Variants in MYO1H observed in about 807,000 individuals in gnomAD.
MYO1H encodes the protein unconventional myosin-Ih.
A neutral mutation model predicts 149.3 loss-of-function variants in MYO1H; 118 were observed. The observed-to-expected ratio is 0.79, with a 90% CI of 0.68 to 0.92. The LOEUF is 0.92. Ranked by LOEUF, MYO1H falls within the 40% of genes least tolerant of loss-of-function variation. The pLI is 0.00. For missense variants in MYO1H, 1,212 were observed against 1,280.7 expected (o/e 0.95, Z 0.82); for synonymous variants, 447 against 465.2 (o/e 0.96, Z 0.50).
At chr12:109,422,806 G>C (rs1352694781) in intron 16 of MYO1H, among the ~76,000 whole-genome samples, 1 of 152,146 alleles carries the variant, frequency 6.6e-6, no homozygotes, top group Non-Finnish European at 1.5e-5. Flanking sequence ...AGGCACAGTG[G>C]CTCATGCCTG....
At chr12:109,437,480 G>C (rs1289015214) in intron 22 of MYO1H, among the ~76,000 whole-genome samples, 3 of 152,144 alleles carry the variant, frequency 2.0e-5, no homozygotes, top group Non-Finnish European at 4.4e-5. Context: ...TAGCAGCAGA[G>C]GTCAGCATTA....
At chr12:109,357,422 T>C (rs970012910) in intron 1 of MYO1H, among the ~76,000 whole-genome samples, 4 of 152,318 alleles carry the variant, frequency 2.6e-5, no homozygotes, top group African/African-American at 7.2e-5. Context: ...TTCAGAAATA[T>C]GGTTCCTAAG....
At chr12:109,435,247 G>A (rs1871811212) in intron 21 of MYO1H, 134 bp downstream of exon 21, 2 of 607,018 alleles carry the variant, frequency 3.3e-6, no homozygotes, top group Non-Finnish European at 5.7e-6. Flanking sequence ...CGAGATATGG[G>A]ATTATGATAA....
chr12:109,388,097 C>T lies in MYO1H; in HGVS notation c.13-586C>T, dbSNP rs531923097. Among the ~76,000 whole-genome samples the T allele has an allele frequency of 3.9e-5, 6 of 152,286 alleles. No homozygotes were observed. In the South Asian group the frequency reaches 1.2e-3, roughly 32 times the overall value. Reference sequence around the variant, plus strand: ...ATATTCCTCTGTAGCAAGAATTTCCCTTTCTGGCCCAAACTCCTCACCACC... The same window carrying T: ...ATATTCCTCTGTAGCAAGAATTTCCTTTTCTGGCCCAAACTCCTCACCACC... On this transcript the variant is annotated intron_variant, in intron 1 of 31. Transcript: ENST00000310903.
intron 25 of MYO1H, among the ~76,000 whole-genome samples, chr12:109,441,303 G>A (rs1280480579): frequency 6.6e-6 from 1 of 152,230 alleles, no homozygotes; most frequent in Non-Finnish European, 1.5e-5. Context: ...AAAAGGGACA[G>A]CAGGCTGAGT....
At chr12:109,421,473 C>A (rs1048621031) in intron 16 of MYO1H, among the ~76,000 whole-genome samples, 3 of 152,066 alleles carry the variant, frequency 2.0e-5, no homozygotes, top group African/African-American at 4.8e-5. Flanking sequence ...TGAGCTAAAA[C>A]CTGAATGAGA....
the MYO1H span, among the ~76,000 whole-genome samples, chr12:109,335,435 C>G: frequency 6.6e-6 from 1 of 152,156 alleles, no homozygotes; most frequent in Non-Finnish European, 1.5e-5. Flanking sequence ...CCATCTCCCA[C>G]CAGGCCCCAC....
At chr12:109,438,481 C>T (rs1871966946) in intron 22 of MYO1H, 55 bp from the exon 23 acceptor site, 25 of 1,393,480 alleles carry the variant, frequency 1.8e-5, no homozygotes, top group Middle Eastern at 3.7e-4. Flanking sequence ...GAAAAGCCTT[C>T]TGTATTTCCA....
the MYO1H span, among the ~76,000 whole-genome samples, chr12:109,325,713 G>A: frequency 2.0e-5 from 3 of 152,036 alleles, no homozygotes; most frequent in East Asian, 5.8e-4. Flanking sequence ...AATCTACAAG[G>A]AATTTAAACA....
At chr12:109,412,147 T>C (rs1870704005) in intron 14 of MYO1H, among the ~76,000 whole-genome samples, 162 bp downstream of exon 14, 1 of 152,166 alleles carries the variant, frequency 6.6e-6, no homozygotes, top group African/African-American at 2.4e-5. Flanking sequence ...TAGTAGAAAT[T>C]AAACCTAAAT....
At chr12:109,412,966 T>TTG (rs1365530534) in intron 14 of MYO1H, among the ~76,000 whole-genome samples, 37 of 149,180 alleles carry the variant, frequency 2.5e-4, no homozygotes, top group African/African-American at 8.8e-4. Flanking sequence ...GTTGTTGTTG[T>TTG]TGTTGTTGTT....
At chr12:109,405,954 C>A in exon 8 of MYO1H, 1 of 1,613,410 alleles carries the variant, frequency 6.2e-7, no homozygotes, top group South Asian at 1.1e-5. Flanking sequence ...GTGTCTTACA[C>A]CTGGGGAACA....
At chr12:109,342,935 G>A (rs957238588), upstream of MYO1H, among the ~76,000 whole-genome samples, 2 of 151,950 alleles carry the variant, frequency 1.3e-5, no homozygotes, top group Non-Finnish European at 2.9e-5. Context: ...CATCACATAA[G>A]GGCCAGGCAC....
chr12:109,337,376 A>G, the MYO1H span, among the ~76,000 whole-genome samples: 2 of 152,208 alleles, frequency 1.3e-5, no homozygotes, highest in Non-Finnish European at 2.9e-5. Context: ...CCACCTCGAT[A>G]GGATGTGTTA....
chr12:109,439,486 GT>G, intron 23 of MYO1H, 144 bp from the exon 24 acceptor site: 1 of 721,998 alleles, frequency 1.4e-6, no homozygotes, highest in African/African-American at 1.8e-5. Context: ...GAACATATAT[GT>G]GGGGCAGATT....
At chr12:109,374,642 G>A (rs1869052957) in intron 1 of MYO1H, among the ~76,000 whole-genome samples, 1 of 152,142 alleles carries the variant, frequency 6.6e-6, no homozygotes, top group South Asian at 2.1e-4. Context: ...CTTGGTCAGA[G>A]GATATGTGTC....
the MYO1H span, among the ~76,000 whole-genome samples, chr12:109,328,930 A>G: frequency 6.6e-6 from 1 of 152,192 alleles, no homozygotes; most frequent in African/African-American, 2.4e-5. Context: ...AAATGTTCTC[A>G]GCACACATAA....
At chr12:109,382,312 T>C (rs1056730745) in intron 1 of MYO1H, among the ~76,000 whole-genome samples, 1 of 152,180 alleles carries the variant, frequency 6.6e-6, no homozygotes, top group African/African-American at 2.4e-5. Flanking sequence ...AATGACTCCT[T>C]AAGAATGCAA....
chr12:109,443,457 G>A (rs1872331362), intron 27 of MYO1H, 57 bp from the exon 28 acceptor site: 3 of 1,587,844 alleles, frequency 1.9e-6, no homozygotes, highest in Middle Eastern at 3.4e-4. Flanking sequence ...TGTCTGAGTA[G>A]CAAGAAACTC....
Sources: allele counts gnomAD v4.1 joint callset (sites outside exome capture counted in the v4.1 genomes callset), GRCh38; gene constraint gnomAD v4.1.1; transcripts MANE v1.5; gene names NCBI Gene and HGNC (gene_info 2026-07-23, HGNC 2026-07-21).